P2RY8: variants seen among roughly 807,000 people sequenced by gnomAD.
The protein encoded by P2RY8 is S-geranylgeranyl-glutathione receptor P2RY8.
Under a neutral mutation model 10.0 loss-of-function variants are expected in P2RY8, and 6 were observed. The ratio of observed to expected loss-of-function variants is 0.60; its 90% CI spans 0.33 to 1.19. The LOEUF (loss-of-function observed/expected upper bound fraction) is 1.19. Ranked by LOEUF, P2RY8 falls within the 50% of genes most tolerant of loss-of-function variation. The probability of loss-of-function intolerance (pLI) is 0.04; values close to 1 mark genes in which losing one functional copy is unlikely to be tolerated. For missense variants in P2RY8, 456 were observed against 542.0 expected (o/e 0.84, Z 1.58); for synonymous variants, 276 against 252.5 (o/e 1.09, Z -0.88).
chrX:1,503,962 C>T (rs2092204449), intron 1 of P2RY8, among the ~76,000 whole-genome samples: 1 of 151,904 alleles, frequency 6.6e-6, no homozygotes, highest in Non-Finnish European at 1.5e-5. Context: ...AGACTGTAAT[C>T]ATGTTGGTGT....
rs1201683452 is a variant in P2RY8 at position 1,508,704 on chromosome X, T to TCCATCCATCCATCTATTCTA, written c.-25+28216_-25+28217insTAGAATAGATGGATGGATGG. On this transcript the variant is annotated intron_variant, in intron 1 of 1. Transcript: ENST00000381297. ...CATCATCCATCCATCCATCCATCCA[T>TCCATCCATCCATCTATTCTA]TCTATCTATCTATCTATCTATCTAT... 2.6e-4 allele frequency among the ~76,000 whole-genome samples: 29 copies of TCCATCCATCCATCTATTCTA among 112,080 alleles called. 1 individual carries two copies. The highest frequency in any genetic ancestry group is 5.9e-4 in the Admixed American group (7 of 11,912). 73.5% of individuals were successfully genotyped at this position (112,080 alleles called of 152,430 possible).
intron 1 of P2RY8, among the ~76,000 whole-genome samples, chrX:1,517,270 C>T (rs1281709498): frequency 2.0e-5 from 3 of 149,654 alleles, no homozygotes; most frequent in Middle Eastern, 3.6e-3. Context: ...GGGACGACCC[C>T]GTGAGGACAC....
intron 1 of P2RY8, among the ~76,000 whole-genome samples, chrX:1,525,949 TA>T (rs1321947018): frequency 2.0e-5 from 3 of 151,104 alleles, no homozygotes; most frequent in Admixed American, 6.6e-5. Context: ...TCCATCCACT[TA>T]TCAATACACC....
At position 1,508,709 on chromosome X, in the gene P2RY8, TCTA is replaced by T. The variant is rs2092258608; in HGVS notation, c.-25+28209_-25+28211del. On this transcript the variant is annotated intron_variant, in intron 1 of 1. Coordinates refer to ENST00000381297, the MANE Select transcript of P2RY8 (RefSeq NM_178129.5). Reference sequence around the variant, plus strand: ...TCCATCCATCCATCCATCCATTCTATCTATCTATCTATCTATCTATCTATCTAT... The same window carrying T: ...TCCATCCATCCATCCATCCATTCTATTCTATCTATCTATCTATCTATCTAT... Among the ~76,000 whole-genome samples the T allele has an allele frequency of 1.2e-3, 10 of 8,154 alleles. 1 individual carries two copies. The highest frequency in any genetic ancestry group is 3.1e-3 in the African/African-American group (9 of 2,940). 5.3% of individuals were successfully genotyped at this position (8,154 alleles called of 152,430 possible). A position where few individuals can be genotyped will look rare whatever the true frequency, so the allele number is the denominator to read the frequency against.
intron 1 of P2RY8, among the ~76,000 whole-genome samples, chrX:1,525,440 T>C (rs28623387): frequency 0.1 from 15,456 of 151,914 alleles, 896 homozygotes; most frequent in African/African-American, 0.12. Flanking sequence ...GAGGCAGAGA[T>C]TGGAGGGAGG....
Position 1,466,388 on chromosome X carries a change from C to T in P2RY8, c.171G>A (p.Pro57=). Residue 57 remains proline (P), a synonymous_variant, in exon 2 of 2, where the codon CCG becomes CCA. Coordinates refer to ENST00000381297, the MANE Select transcript of P2RY8 (RefSeq NM_178129.5). ...TCAGGTTGATCATGAAGATGACCGA[C>T]GGGGATCTGGGCCCCATGCGCCGGC... The part of the protein sequence containing the change: ...VLCRRMGPRS[P]SVIFMINLSV... 6.2e-7 allele frequency: 1 copy of T among 1,613,618 alleles called. No homozygotes were observed. The highest frequency in any genetic ancestry group is 1.7e-5 in the Admixed American group (1 of 60,006).
At chrX:1,466,670 G>A in intron 1 of P2RY8, 88 bp from the exon 2 acceptor site, 6 of 1,291,568 alleles carry the variant, frequency 4.6e-6, no homozygotes, top group South Asian at 4.2e-5. Context: ...CGCTCCCCGG[G>A]GACCAAGGCG....
chrX:1,466,767 C>T (rs2091686536), intron 1 of P2RY8, among the ~76,000 whole-genome samples, 185 bp from the exon 2 acceptor site: 3 of 150,528 alleles, frequency 2.0e-5, no homozygotes. Context: ...TTCCCTCCCT[C>T]TCTGCCTCCT....
At chrX:1,520,321 A>C (rs1365024733) in intron 1 of P2RY8, among the ~76,000 whole-genome samples, 1 of 149,442 alleles carries the variant, frequency 6.7e-6, no homozygotes, top group Non-Finnish European at 1.5e-5. Flanking sequence ...TATTGTCTCT[A>C]GTCCTCAATC....
intron 1 of P2RY8, among the ~76,000 whole-genome samples, chrX:1,486,080 T>C (rs779442152): frequency 5.8e-4 from 88 of 152,024 alleles, no homozygotes; most frequent in Non-Finnish European, 1.1e-3. Flanking sequence ...TATCTGGGAG[T>C]GGTGGCAGGC....
Position 1,466,088 on chromosome X carries a change from C to A in P2RY8, c.471G>T (p.Pro157=). 6.2e-7 allele frequency: 1 copy of A among 1,611,610 alleles called. No individual in the cohort carries two copies. Among genetic ancestry groups the A allele is most frequent in the Non-Finnish European group, 8.5e-7 (1 of 1,179,636 alleles). The change falls in exon 2 of 2, where the codon CCG becomes CCT. Residue 157 remains proline (P), a synonymous_variant. Coordinates refer to ENST00000381297, the MANE Select transcript of P2RY8 (RefSeq NM_178129.5). ...GGTAGGTGAGATCGGTGCGCGCCAG[C>A]GGGGACAGGGCGGTCAGGAGCAGCA... ...TWLLLLTALS[P]LARTDLTYPV...
At chrX:1,486,177 C>T (rs1396277355) in intron 1 of P2RY8, among the ~76,000 whole-genome samples, 1 of 152,208 alleles carries the variant, frequency 6.6e-6, no homozygotes, top group Admixed American at 6.5e-5. Context: ...GAGATCATGC[C>T]ATTGCACTCC....
At chrX:1,476,697 T>C (rs1347080687) in intron 1 of P2RY8, among the ~76,000 whole-genome samples, 1 of 152,066 alleles carries the variant, frequency 6.6e-6, no homozygotes, top group Non-Finnish European at 1.5e-5. Context: ...AGGCTTCCCC[T>C]ACCCTCAAGA....
At chrX:1,530,938 GTATC>G (rs201469641) in intron 1 of P2RY8, among the ~76,000 whole-genome samples, 10,911 of 151,280 alleles carry the variant, frequency 0.072, 539 homozygotes, top group Non-Finnish European at 0.11. Context: ...ATGTATCTAT[GTATC>G]TATCTATCTA....
chrX:1,493,119 C>G (rs1440035859), intron 1 of P2RY8, among the ~76,000 whole-genome samples: 2 of 150,654 alleles, frequency 1.3e-5, no homozygotes, highest in African/African-American at 2.4e-5. Context: ...GACCCCATCT[C>G]TACTAAAAAA....
Position 1,465,560 on chromosome X carries a change from C to CACGG in P2RY8, c.995_998dup (p.Ser335AlafsTer9). ...CAGGGTGCGCACCGGCCTCGGAGCG[C>CACGG]ACGGACGTGGTCCTGGCGGAGAAGA... On this transcript the variant is annotated frameshift_variant, in exon 2 of 2. Transcript: ENST00000381297. LOFTEE classifies it low-confidence loss of function (END_TRUNC). 2 of 1,612,544 alleles carry CACGG rather than the reference C, an allele frequency of 1.2e-6. No individual in the cohort carries two copies. Among genetic ancestry groups the CACGG allele is most frequent in the Middle Eastern group, 1.7e-4 (1 of 5,716 alleles).
rs1399521765 is a variant in P2RY8, at chrX:1,496,779, C to A, written c.-24-30197G>T. Among the ~76,000 whole-genome samples the A allele has an allele frequency of 6.2e-5, 7 of 113,350 alleles. No homozygotes were observed. In the Admixed American group the frequency reaches 7.8e-4, roughly 13 times the overall value. 74.4% of individuals were successfully genotyped at this position (113,350 alleles called of 152,430 possible). On this transcript the variant is annotated intron_variant, in intron 1 of 1. Transcript: ENST00000381297. ...GTAGCGCGATGTCGGCTCCCTGCAA[C>A]CTCCGCCTCCCTGGTTCAAGCAATT...
Position 1,465,428 on chromosome X carries a change from C to T in P2RY8, c.*51G>A, listed in dbSNP as rs369726338. ...CTGGCACCGTGGCCTCTCCATGCGC[C>T]CCTGGATCTCCAAGCTGCGCCCCCG... On this transcript the variant is annotated 3_prime_UTR_variant, in exon 2 of 2. Transcript: ENST00000381297. 8 of 1,550,586 alleles carry T rather than the reference C, an allele frequency of 5.2e-6. No homozygotes were observed. In the East Asian group the frequency reaches 1.8e-4, roughly 35 times the overall value.
At chrX:1,487,181 G>C (rs2091994631) in intron 1 of P2RY8, among the ~76,000 whole-genome samples, 1 of 152,158 alleles carries the variant, frequency 6.6e-6, no homozygotes, top group South Asian at 2.1e-4. Flanking sequence ...GTCCCTCAGG[G>C]AGCCACAGTG....
Sources: gnomAD v4.1 joint callset for allele counts (sites outside exome capture counted in the v4.1 genomes callset) on GRCh38, gnomAD v4.1.1 for gene constraint, MANE v1.5 for transcripts, NCBI Gene and HGNC (gene_info 2026-07-23, HGNC 2026-07-21) for gene names.